Variants in ECT2 observed in about 807,000 individuals in gnomAD.
The protein encoded by ECT2 is epithelial cell transforming 2.
Under a neutral mutation model 116.9 loss-of-function variants are expected in ECT2, and 61 were observed. The observed-to-expected ratio is 0.52, with a 90% CI of 0.42 to 0.65. ECT2 has a LOEUF of 0.65. Among genes scored for constraint, ECT2 ranks in the 30% least tolerant of loss-of-function variants. The pLI is 0.00. For synonymous variants in ECT2, 358 were observed against 346.4 expected (o/e 1.03, Z -0.37); for missense variants, 937 against 1,078.7 (o/e 0.87, Z 1.84).
At chr3:172,782,874 A>AT (rs142529878) in intron 15 of ECT2, among the ~76,000 whole-genome samples, 9,821 of 123,798 alleles carry the variant, frequency 0.079, 421 homozygotes, top group Middle Eastern at 0.12. Context: ...ATGATCTCGC[A>AT]TTTTTTTTTT....
In ECT2 at chr3:172,758,973, C is replaced by G; in HGVS notation, c.487-7C>G. ...AAGCTCACATTTAAAATTGTTGTAT[C>G]CTTCAGCCTTTGCCATTTTCATGTC... On this transcript the variant is annotated splice_region_variant and splice_polypyrimidine_tract_variant and intron_variant, in intron 5 of 24. Transcript: ENST00000392692. 6.2e-7 allele frequency: 1 copy of G among 1,603,470 alleles called. No individual in the cohort carries two copies. Among genetic ancestry groups the G allele is most frequent in the South Asian group, 1.1e-5 (1 of 89,258 alleles).
downstream of ECT2, among the ~76,000 whole-genome samples, chr3:172,823,557 C>T (rs1014551633): frequency 1.3e-5 from 2 of 152,144 alleles, no homozygotes; most frequent in Non-Finnish European, 2.9e-5. Flanking sequence ...AGTACAGGCA[C>T]ACCTCAGATA....
intron 24 of ECT2, chr3:172,818,643 C>CT (rs1223785851): frequency 1.6e-6 from 2 of 1,289,040 alleles, no homozygotes; most frequent in Admixed American, 2.3e-5. Flanking sequence ...CTCAGTACTC[C>CT]TGGTTTCAAT....
At chr3:172,761,539 G>T (rs1718299472) in intron 7 of ECT2, 71 bp from the exon 8 acceptor site, 1 of 1,066,244 alleles carries the variant, frequency 9.4e-7, no homozygotes, top group Non-Finnish European at 1.4e-6. Context: ...AATTAAGTAT[G>T]TTAACTGTTT....
At chr3:172,757,663 C>T (rs931048645) in intron 5 of ECT2, among the ~76,000 whole-genome samples, 1 of 152,050 alleles carries the variant, frequency 6.6e-6, no homozygotes, top group African/African-American at 2.4e-5. Flanking sequence ...GATCCACCCG[C>T]TTCGGACTCT....
In ECT2 at chr3:172,809,918, G is replaced by C. The variant is rs563430083; in HGVS notation, c.2400+1994G>C. 1.7e-3 allele frequency among the ~76,000 whole-genome samples: 255 copies of C among 152,236 alleles called. 1 individual carries two copies. Among genetic ancestry groups the C allele is most frequent in the Non-Finnish European group, 3.3e-3 (222 of 67,994 alleles). ...GATTCTTGGTCGAAGCATCTTAATC[G>C]ACTTTCTCCCCATGGATGTCATGTC... On this transcript the variant is annotated intron_variant, in intron 22 of 24. Transcript: ENST00000392692.
the ECT2 span, among the ~76,000 whole-genome samples, chr3:172,827,802 C>A: frequency 6.6e-6 from 1 of 152,212 alleles, no homozygotes; most frequent in East Asian, 1.9e-4. Context: ...TTTTGGCTTA[C>A]TTTGAAAGAG....
intron 22 of ECT2, among the ~76,000 whole-genome samples, chr3:172,810,820 G>A (rs1728634061): frequency 6.6e-6 from 1 of 152,126 alleles, no homozygotes; most frequent in Non-Finnish European, 1.5e-5. Flanking sequence ...ATCTATAGCT[G>A]AGGCTCAGTT....
rs1486391296 is a variant in ECT2 at position 172,807,808 on chromosome 3, A to G, written c.2284A>G (p.Thr762Ala). The G allele has an allele frequency of 3.1e-6, 5 of 1,613,718 alleles. No homozygotes were observed. Among genetic ancestry groups the G allele is most frequent in the East Asian group, 2.2e-5 (1 of 44,870 alleles). The change falls in exon 22 of 25, where the codon ACA (threonine) becomes GCA (alanine). Residue 762 changes from threonine to alanine, a missense_variant. By Grantham distance (58) the Thr-to-Ala change is moderately conservative (BLOSUM62 0). Transcript: ENST00000392692. ...TTTTGCCTTGCTTGTGAGGCCACCA[A>G]CAGAGCAGGCAAATGTGCTACTCAG... Reference protein sequence around the residue: ...NAFALLVRPPTEQANVLLSFQ... With the variant: ...NAFALLVRPPAEQANVLLSFQ...
downstream of ECT2, among the ~76,000 whole-genome samples, chr3:172,826,326 T>C (rs1358348386): frequency 6.6e-6 from 1 of 152,238 alleles, no homozygotes; most frequent in Non-Finnish European, 1.5e-5. Context: ...CTGAAAATCC[T>C]AGGGCCATTA....
At chr3:172,763,164 A>G (rs986720030) in intron 11 of ECT2, among the ~76,000 whole-genome samples, 192 bp downstream of exon 11, 1 of 152,234 alleles carries the variant, frequency 6.6e-6, no homozygotes, top group Non-Finnish European at 1.5e-5. Flanking sequence ...TTAACCTAAT[A>G]TATGTTGTTC....
In ECT2 at chr3:172,754,466, A is replaced by T. The variant is rs200827036; in HGVS notation, c.-22-43A>T. 1.3e-5 allele frequency: 19 copies of T among 1,410,374 alleles called. No individual in the cohort carries two copies. The East Asian group carries it at 3.9e-4, about 29-fold the overall frequency. The allele number at this position is 1,410,374 out of a possible 1,614,324, so 87.4% of individuals were successfully genotyped here. ...AGCCTCTAATACTTACTTTTGCCCA[A>T]TGACCATGTTTATGTATTTTTATTC... On this transcript the variant is annotated intron_variant, in intron 1 of 24. Coordinates refer to ENST00000392692, the MANE Select transcript of ECT2 (RefSeq NM_001258315.2).
intron 14 of ECT2, among the ~76,000 whole-genome samples, chr3:172,776,198 C>CTTTTTTTTTTTT (rs60558773): frequency 1.6e-4 from 18 of 111,596 alleles, no homozygotes; most frequent in African/African-American, 2.4e-4. Flanking sequence ...TCAGTTTTTT[C>CTTTTTTTTTTTT]TTTTTTTTTT....
Position 172,762,452 on chromosome 3 carries a change from A to G in ECT2, c.795A>G (p.Glu265=). The G allele has an allele frequency of 6.3e-7, 1 of 1,599,074 alleles. No homozygotes were observed. The highest frequency in any genetic ancestry group is 8.5e-7 in the Non-Finnish European group (1 of 1,176,710). The change falls in exon 9 of 25, where the codon GAA becomes GAG. Residue 265 remains glutamate, a synonymous_variant. Transcript: ENST00000392692. Reference sequence around the variant, plus strand: ...CAGCAGTTGATGACTTTAGAAATGAATTTAAAGTTCCTCCATTTCAAGATT... The same window carrying G: ...CAGCAGTTGATGACTTTAGAAATGAGTTTAAAGTTCCTCCATTTCAAGATT... ...FYAAVDDFRN[E]FKVPPFQDCI...
intron 12 of ECT2, among the ~76,000 whole-genome samples, chr3:172,768,114 G>A (rs1169492326): frequency 6.6e-6 from 1 of 152,068 alleles, no homozygotes; most frequent in Non-Finnish European, 1.5e-5. Context: ...TTTATATTAC[G>A]TTAAGACAGT....
chr3:172,756,893 T>C (rs1228000102), intron 4 of ECT2, 90 bp from the exon 5 acceptor site: 7 of 1,086,348 alleles, frequency 6.4e-6, no homozygotes, highest in Non-Finnish European at 9.3e-6. Flanking sequence ...AAAGTTGATA[T>C]TGAATTGATT....
chr3:172,755,839 A>G (rs1168534055), intron 4 of ECT2, among the ~76,000 whole-genome samples: 1 of 152,234 alleles, frequency 6.6e-6, no homozygotes, highest in Non-Finnish European at 1.5e-5. Context: ...GAAATAATCT[A>G]ATTCTGGAAT....
rs558034984 is a variant in ECT2 at position 172,765,498 on chromosome 3, C to A, written c.1291+998C>A. On this transcript the variant is annotated intron_variant, in intron 12 of 24. Transcript: ENST00000392692. Reference sequence around the variant, plus strand: ...TCCATGTCTAATAGATATCTTAAACCTAAGATAACCAAATTAGACCTTTGG... The same window carrying A: ...TCCATGTCTAATAGATATCTTAAACATAAGATAACCAAATTAGACCTTTGG... 9.9e-5 allele frequency among the ~76,000 whole-genome samples: 15 copies of A among 152,208 alleles called. No individual in the cohort carries two copies. The East Asian group carries it at 2.9e-3, about 29-fold the overall frequency.
At chr3:172,759,891 A>G (rs1717878156) in intron 6 of ECT2, among the ~76,000 whole-genome samples, 1 of 152,198 alleles carries the variant, frequency 6.6e-6, no homozygotes, top group Admixed American at 6.5e-5. Context: ...AAAAAGCAAT[A>G]TATTTAGGCC....
Sources: allele counts gnomAD v4.1 joint callset (sites outside exome capture counted in the v4.1 genomes callset), GRCh38; gene constraint gnomAD v4.1.1; transcripts MANE v1.5; gene names NCBI Gene and HGNC (gene_info 2026-07-23, HGNC 2026-07-21).